The following LHPP variants were observed in gnomAD, a reference collection of about 807,000 sequenced individuals.
LHPP encodes hLHPP.
A neutral mutation model predicts 30.3 loss-of-function variants in LHPP; 24 were observed. The observed-to-expected ratio is 0.79, with a 90% CI of 0.57 to 1.11. The LOEUF is 1.11. Among genes scored for constraint, LHPP ranks in the 50% most tolerant of loss-of-function variants. The probability of loss-of-function intolerance (pLI) is 0.00; values close to 1 mark genes in which losing one functional copy is unlikely to be tolerated. For missense variants in LHPP, 356 were observed against 367.2 expected, an observed-to-expected ratio of 0.97 and a Z score of 0.25; for synonymous variants, 150 against 157.1, an observed-to-expected ratio of 0.95 and a Z score of 0.34.
At position 124,498,064 on chromosome 10, in the gene LHPP, TG is replaced by T. The variant is rs1299358115; in HGVS notation, c.564del (p.Lys189SerfsTer14). The T allele has an allele frequency of 2.5e-6, 4 of 1,613,980 alleles. No individual in the cohort carries two copies. Among genetic ancestry groups the T allele is most frequent in the Non-Finnish European group, 3.4e-6 (4 of 1,179,986 alleles). On this transcript the variant is annotated frameshift_variant, in exon 5 of 7. Transcript: ENST00000368842. LOFTEE classifies it high-confidence loss of function. ...EYACGIKAEV[V>X]GKPSPEFFKS... Reference sequence around the variant, plus strand: ...GCCTGTGGCATCAAAGCCGAGGTGGTGGGGAAGCCTTCTCCTGAGTTTTTCA... The same window carrying T: ...GCCTGTGGCATCAAAGCCGAGGTGGTGGGAAGCCTTCTCCTGAGTTTTTCA...
intron 6 of LHPP, among the ~76,000 whole-genome samples, chr10:124,573,590 C>T (rs139457941): frequency 0.014 from 2,089 of 152,352 alleles, 27 homozygotes; most frequent in Non-Finnish European, 0.023. Context: ...GGATTACAGG[C>T]ATGAACCACT....
chr10:124,581,470 T>C (rs910176080), intron 6 of LHPP, among the ~76,000 whole-genome samples: 1 of 152,338 alleles, frequency 6.6e-6, no homozygotes, highest in African/African-American at 2.4e-5. Flanking sequence ...ACTTGAGGAA[T>C]TGCCAGACTA....
chr10:124,566,125 C>CTGG (rs1783535887), intron 6 of LHPP, among the ~76,000 whole-genome samples: 1 of 152,220 alleles, frequency 6.6e-6, no homozygotes, highest in East Asian at 1.9e-4. Flanking sequence ...GTGGCAGAGC[C>CTGG]CGGTGGTTCC....
chr10:124,490,381 A>G (rs1020737162), intron 3 of LHPP: 10 of 330,486 alleles, frequency 3.0e-5, no homozygotes, highest in Non-Finnish European at 5.1e-5. Flanking sequence ...AGGTACCAGT[A>G]GAAATGTCTC....
chr10:124,587,024 C>CTTTTTTTTT (rs57728201), intron 6 of LHPP, among the ~76,000 whole-genome samples: 1 of 120,742 alleles, frequency 8.3e-6, no homozygotes, highest in Non-Finnish European at 1.7e-5. Context: ...GTGCTTGCTA[C>CTTTTTTTTT]TTTTTTTTTT....
chr10:124,574,291 C>T (rs536130764), intron 6 of LHPP, among the ~76,000 whole-genome samples: 2 of 152,112 alleles, frequency 1.3e-5, no homozygotes, highest in East Asian at 1.9e-4. Context: ...TGCTGGGGGG[C>T]GTGAGCCGGG....
At chr10:124,482,846 C>T (rs1953183143) in intron 1 of LHPP, among the ~76,000 whole-genome samples, 1 of 152,194 alleles carries the variant, frequency 6.6e-6, no homozygotes, top group Non-Finnish European at 1.5e-5. Context: ...TCTCTCTTCT[C>T]AGTCACAAAT....
At chr10:124,513,790 T>TAA (rs113227798) in intron 5 of LHPP, among the ~76,000 whole-genome samples, 3,259 of 143,938 alleles carry the variant, frequency 0.023, 103 homozygotes, top group African/African-American at 0.077. Context: ...TTATTTATAT[T>TAA]AAAAAAAAAA....
chr10:124,555,682 T>C (rs980744114), intron 6 of LHPP, among the ~76,000 whole-genome samples: 2 of 152,250 alleles, frequency 1.3e-5, no homozygotes, highest in Admixed American at 6.5e-5. Flanking sequence ...TTGTTTCATA[T>C]ATTTTATCTG....
chr10:124,474,792 T>C (rs949016798), intron 1 of LHPP, among the ~76,000 whole-genome samples: 1 of 152,190 alleles, frequency 6.6e-6, no homozygotes, highest in Non-Finnish European at 1.5e-5. Flanking sequence ...TAGCCACTGC[T>C]GGGGCTCAGT....
rs537064465 is a variant in LHPP, at chr10:124,577,685, CAT to C, written c.717-35578_717-35577del. Among the ~76,000 whole-genome samples, 51 of 152,242 alleles carry C rather than the reference CAT, an allele frequency of 3.3e-4. 1 individual carries two copies. Among genetic ancestry groups the C allele is most frequent in the South Asian group, 1.2e-3 (6 of 4,828 alleles). ...ACATGTGTGCACACATACATGCACA[CAT>C]GTGTAAATACACATGCATGCACATG... On this transcript the variant is annotated intron_variant, in intron 6 of 6. Transcript: ENST00000368842.
At chr10:124,525,422 C>A (rs578163570) in intron 6 of LHPP, among the ~76,000 whole-genome samples, 1 of 152,230 alleles carries the variant, frequency 6.6e-6, no homozygotes, top group African/African-American at 2.4e-5. Flanking sequence ...ATGCCCCCAC[C>A]ACGGGGGGAC....
At chr10:124,514,541 A>G (rs1011856156) in intron 5 of LHPP, among the ~76,000 whole-genome samples, 5 of 152,174 alleles carry the variant, frequency 3.3e-5, no homozygotes, top group Admixed American at 6.6e-5. Context: ...ATTGTTTCCA[A>G]CAAGAAATCT....
intron 6 of LHPP, among the ~76,000 whole-genome samples, chr10:124,545,743 T>C (rs1018719215): frequency 6.6e-6 from 1 of 152,208 alleles, no homozygotes; most frequent in African/African-American, 2.4e-5. Context: ...CTGTGGTTTT[T>C]GATTTTTTTA....
At position 124,590,749 on chromosome 10, in the gene LHPP, G is replaced by A. The variant is rs760115989; in HGVS notation, c.717-22515G>A. Among the ~76,000 whole-genome samples, 9 of 152,312 alleles carry A rather than the reference G, an allele frequency of 5.9e-5. No individual in the cohort carries two copies. The highest frequency in any genetic ancestry group is 3.4e-3 in the Middle Eastern group (1 of 294). ...CCACCTGCCTGCCTCCTCTGCCACCGAGGGAAGCCATGTCGCCTTCCTGAG... is the reference window on the plus strand; with the variant it reads ...CCACCTGCCTGCCTCCTCTGCCACCAAGGGAAGCCATGTCGCCTTCCTGAG... On this transcript the variant is annotated intron_variant, in intron 6 of 6. Coordinates refer to ENST00000368842, the MANE Select transcript of LHPP (RefSeq NM_022126.4). The surrounding 1 kb of genome is among the most constrained non-coding windows in gnomAD (Gnocchi z 4.3).
chr10:124,511,103 GA>G (rs1174079430), intron 5 of LHPP, among the ~76,000 whole-genome samples: 2 of 152,136 alleles, frequency 1.3e-5, no homozygotes, highest in Non-Finnish European at 2.9e-5. Flanking sequence ...AGTCATTCTG[GA>G]AAAAACACTT....
intron 6 of LHPP, among the ~76,000 whole-genome samples, chr10:124,555,705 C>T (rs1341153492): frequency 2.0e-5 from 3 of 152,156 alleles, no homozygotes; most frequent in African/African-American, 4.8e-5. Flanking sequence ...TTTCTAGTTG[C>T]TTTAAGGTAC....
At chr10:124,476,358 G>T (rs1431817673) in intron 1 of LHPP, among the ~76,000 whole-genome samples, 2 of 152,226 alleles carry the variant, frequency 1.3e-5, no homozygotes, top group Admixed American at 6.5e-5. Flanking sequence ...AGGAGGCTCA[G>T]CTGGAGCCAG....
intron 6 of LHPP, among the ~76,000 whole-genome samples, chr10:124,553,733 A>T (rs1019809317): frequency 6.6e-6 from 1 of 152,314 alleles, no homozygotes; most frequent in African/African-American, 2.4e-5. Context: ...TGCCGGGATT[A>T]CAGGCGTGAG....
Sources: allele counts gnomAD v4.1 joint callset (sites outside exome capture counted in the v4.1 genomes callset), GRCh38; gene constraint gnomAD v4.1.1; non-coding constraint Gnocchi (gnomAD v3.1); transcripts MANE v1.5; gene names NCBI Gene and HGNC (gene_info 2026-07-23, HGNC 2026-07-21).